DPP8: variants seen among roughly 807,000 people sequenced by gnomAD.
The protein encoded by DPP8 is DPP VIII.
In DPP8, 31 loss-of-function variants were observed where a neutral mutation model predicts 107.5. The observed-to-expected ratio is 0.29, with a 90% confidence interval of 0.22 to 0.39. DPP8 has a LOEUF of 0.39. DPP8 is among the 10% of genes least tolerant of loss of function. The probability of loss-of-function intolerance (pLI) is 1.00; values close to 1 mark genes in which losing one functional copy is unlikely to be tolerated. For synonymous variants in DPP8, 381 were observed against 356.6 expected, an observed-to-expected ratio of 1.07 and a Z score of -0.77; for missense variants, 842 against 1,076.1, an observed-to-expected ratio of 0.78 and a Z score of 3.04.
At chr15:65,516,063 G>A in intron 1 of DPP8, 1 of 368,672 alleles carries the variant, frequency 2.7e-6, no homozygotes, top group East Asian at 4.1e-5. Context: ...ACCATGGAAA[G>A]GCTTTAAAAA....
chr15:65,478,763 A>T, intron 11 of DPP8, 117 bp downstream of exon 11: 1 of 677,522 alleles, frequency 1.5e-6, no homozygotes, highest in Non-Finnish European at 2.5e-6. Flanking sequence ...CTTACATATT[A>T]AGTTTAACAA....
At chr15:65,475,534 C>T in intron 11 of DPP8, 5 of 1,342,244 alleles carry the variant, frequency 3.7e-6, no homozygotes, top group Non-Finnish European at 5.3e-6. Context: ...TAAAACCAGC[C>T]CGGTGCAATC....
chr15:65,453,519 A>G (rs972544190), intron 17 of DPP8, among the ~76,000 whole-genome samples: 1 of 152,224 alleles, frequency 6.6e-6, no homozygotes, highest in African/African-American at 2.4e-5. Flanking sequence ...CTGTAATCCC[A>G]GCACTTTGGG....
At chr15:65,485,544 C>CAAAAAAAAAAAAAAA (rs56940292) in intron 7 of DPP8, among the ~76,000 whole-genome samples, 11 of 61,140 alleles carry the variant, frequency 1.8e-4, no homozygotes, top group Non-Finnish European at 2.4e-4. Context: ...GACTCCATCT[C>CAAAAAAAAAAAAAAA]AAAAAAAAAA....
intron 4 of DPP8, among the ~76,000 whole-genome samples, chr15:65,499,231 C>T (rs934776435): frequency 6.7e-6 from 1 of 148,870 alleles, no homozygotes; most frequent in Non-Finnish European, 1.5e-5. Context: ...GTTACCTTTC[C>T]TTTTTTTTTT....
intron 8 of DPP8, 69 bp from the exon 9 acceptor site, chr15:65,481,684 C>CT: frequency 2.1e-6 from 2 of 953,226 alleles, no homozygotes; most frequent in Non-Finnish European, 3.1e-6. Context: ...TGCTAGTCTA[C>CT]TTTAACAATT....
At chr15:65,485,416 C>A (rs8040330) in intron 7 of DPP8, among the ~76,000 whole-genome samples, 2 of 151,362 alleles carry the variant, frequency 1.3e-5, no homozygotes, top group African/African-American at 4.9e-5. Flanking sequence ...TGGTGGTGTG[C>A]GCCTGTAATC....
At chr15:65,479,956 G>A (rs963097972) in intron 10 of DPP8, among the ~76,000 whole-genome samples, 2 of 151,454 alleles carry the variant, frequency 1.3e-5, no homozygotes, top group African/African-American at 2.4e-5. Flanking sequence ...CCTCTCAGGA[G>A]CACTGATGAG....
chr15:65,515,029 C>T (rs897607041), intron 1 of DPP8, among the ~76,000 whole-genome samples: 6 of 152,322 alleles, frequency 3.9e-5, no homozygotes, highest in Admixed American at 6.5e-5. Context: ...ACAAGTCTCA[C>T]TGTTGCCCAA....
chr15:65,489,952 C>T (rs572920061), intron 6 of DPP8, among the ~76,000 whole-genome samples: 71 of 151,872 alleles, frequency 4.7e-4, no homozygotes, highest in African/African-American at 1.5e-3. Context: ...CTCCTGACCT[C>T]GGGTGATCCG....
chr15:65,509,029 T>C (rs1015094085), intron 2 of DPP8, among the ~76,000 whole-genome samples: 1 of 152,226 alleles, frequency 6.6e-6, no homozygotes, highest in South Asian at 2.1e-4. Flanking sequence ...ACTCCCATGC[T>C]AACCCTTGCA....
Position 65,469,627 on chromosome 15 carries a change from T to C in DPP8, c.1537-2404A>G, listed in dbSNP as rs1489709660. Among the ~76,000 whole-genome samples, 3 of 117,434 alleles carry C rather than the reference T, an allele frequency of 2.6e-5. No individual in the cohort carries two copies. The South Asian group carries it at 8.0e-4, about 31-fold the overall frequency. 77.0% of individuals were successfully genotyped at this position (117,434 alleles called of 152,430 possible). A position where few individuals can be genotyped will look rare whatever the true frequency, so the allele number is the denominator to read the frequency against. ...AAGATCATGCCATTGCACTCTAGCCTGGGCAACAAAAGCAAAACTCCGTCT... is the reference window on the plus strand; with the variant it reads ...AAGATCATGCCATTGCACTCTAGCCCGGGCAACAAAAGCAAAACTCCGTCT... On this transcript the variant is annotated intron_variant, in intron 12 of 19. Coordinates refer to ENST00000300141, the MANE Select transcript of DPP8 (RefSeq NM_130434.5).
At chr15:65,449,185 G>T (rs2063782058) in intron 19 of DPP8, among the ~76,000 whole-genome samples, 2 of 143,302 alleles carry the variant, frequency 1.4e-5, no homozygotes, top group Non-Finnish European at 3.0e-5. Context: ...GCTCCAGCCT[G>T]GGTGACAGAG....
intron 3 of DPP8, among the ~76,000 whole-genome samples, chr15:65,504,813 C>G (rs62013077): frequency 0.027 from 4,080 of 151,708 alleles, 104 homozygotes; most frequent in Middle Eastern, 0.051. Context: ...GAGACCCTGT[C>G]TCTACAAAAC....
intron 12 of DPP8, among the ~76,000 whole-genome samples, chr15:65,472,324 A>G (rs1567186770): frequency 6.6e-6 from 1 of 152,080 alleles, no homozygotes; most frequent in Non-Finnish European, 1.5e-5. Flanking sequence ...CCAGAGTATC[A>G]CTGTTTCAGC....
chr15:65,474,849 C>A (rs1057229796), intron 11 of DPP8, among the ~76,000 whole-genome samples: 14 of 152,146 alleles, frequency 9.2e-5, no homozygotes, highest in African/African-American at 3.4e-4. Context: ...AGTTATGAGT[C>A]TTTACAATAC....
Position 65,474,281 on chromosome 15 carries a change from G to T in DPP8, c.1464C>A (p.Phe488Leu). 1 of 1,599,516 alleles carries T rather than the reference G, an allele frequency of 6.3e-7. No individual in the cohort carries two copies. Among genetic ancestry groups the T allele is most frequent in the Non-Finnish European group, 8.6e-7 (1 of 1,166,958 alleles). ...SSGGLPAPSD[F>L]KCPIKEEIAI... Reference sequence around the variant, plus strand: ...CTATCTCCTCTTTGATAGGACACTTGAAATCACCTGAAGATAAATATAATT... The same window carrying T: ...CTATCTCCTCTTTGATAGGACACTTTAAATCACCTGAAGATAAATATAATT... The change falls in exon 12 of 20, where the codon TTC becomes TTA. Residue 488 changes from phenylalanine (F) to leucine (L), a missense_variant. Physicochemically the swap from Phe to Leu is conservative, Grantham distance 22. Transcript: ENST00000300141.
chr15:65,488,183 C>A (rs1332555803), intron 6 of DPP8, among the ~76,000 whole-genome samples: 1 of 152,058 alleles, frequency 6.6e-6, no homozygotes, highest in African/African-American at 2.4e-5. Flanking sequence ...AAATACAGTT[C>A]AGTTGTTTTG....
At chr15:65,500,340 C>T (rs1171765125) in intron 4 of DPP8, among the ~76,000 whole-genome samples, 1 of 151,990 alleles carries the variant, frequency 6.6e-6, no homozygotes, top group African/African-American at 2.4e-5. Context: ...ATCACTTGAA[C>T]CCAGGAGGCA....
Sources: gnomAD v4.1 joint callset for allele counts (sites outside exome capture counted in the v4.1 genomes callset) on GRCh38, gnomAD v4.1.1 for gene constraint, MANE v1.5 for transcripts, NCBI Gene and HGNC (gene_info 2026-07-23, HGNC 2026-07-21) for gene names.